DHCR7: variants seen among roughly 807,000 people sequenced by gnomAD.
The protein encoded by DHCR7 is 7-DHC reductase.
DHCR7 carries 40 observed loss-of-function variants against 43.3 expected under a neutral mutation model. The observed-to-expected ratio is 0.92, with a 90% CI of 0.72 to 1.20. The LOEUF (loss-of-function observed/expected upper bound fraction) is 1.20, where lower values mean the gene tolerates loss of function less well. DHCR7 is among the 50% of genes most tolerant of loss of function. The pLI is 0.00. For synonymous variants in DHCR7, 298 were observed against 271.4 expected (o/e 1.10, Z -0.96); for missense variants, 608 against 644.6 (o/e 0.94, Z 0.62).
At chr11:71,434,022 G>A (rs909617468), downstream of DHCR7, among the ~76,000 whole-genome samples, 1 of 152,246 alleles carries the variant, frequency 6.6e-6, no homozygotes, top group Admixed American at 6.5e-5. Flanking sequence ...GCCACTCTGA[G>A]CTTGGCCCCC....
In DHCR7 at chr11:71,444,836, G is replaced by A. The variant is rs760654801; in HGVS notation, c.98+19C>T. ...ACCACACTTTACTTTCTAGCTGGGAGAACAGGCAAGATCCTTACCAGGCAC... is the reference window on the plus strand; with the variant it reads ...ACCACACTTTACTTTCTAGCTGGGAAAACAGGCAAGATCCTTACCAGGCAC... On this transcript the variant is annotated intron_variant, in intron 3 of 8. Transcript: ENST00000355527. The A allele has an allele frequency of 3.1e-5, 50 of 1,607,410 alleles. No homozygotes were observed. The highest frequency in any genetic ancestry group is 3.8e-5 in the Non-Finnish European group (45 of 1,173,972).
At chr11:71,435,904 C>G (rs375658179) in intron 8 of DHCR7, 65 bp from the exon 9 acceptor site, 70 of 1,422,670 alleles carry the variant, frequency 4.9e-5, no homozygotes, top group Non-Finnish European at 6.5e-5. Context: ...AGTGTGGGCT[C>G]GGGGGCCCAG....
intron 4 of DHCR7, among the ~76,000 whole-genome samples, chr11:71,442,635 T>C (rs908855814): frequency 2.6e-5 from 4 of 152,108 alleles, no homozygotes; most frequent in Non-Finnish European, 4.4e-5. Context: ...GAGAATCCCA[T>C]AAAATTCAAC....
At chr11:71,433,972 C>T (rs992674488), downstream of DHCR7, among the ~76,000 whole-genome samples, 11 of 152,200 alleles carry the variant, frequency 7.2e-5, no homozygotes, top group South Asian at 6.2e-4. Flanking sequence ...GTCTGGGAGG[C>T]GGCCTGGCTG....
intron 5 of DHCR7, among the ~76,000 whole-genome samples, chr11:71,441,996 A>G (rs1949353126): frequency 6.6e-6 from 1 of 152,172 alleles, no homozygotes; most frequent in South Asian, 2.1e-4. Flanking sequence ...AGGAAGCTTC[A>G]TGGGCCGAGT....
intron 3 of DHCR7, 123 bp downstream of exon 3, chr11:71,444,732 C>CA (rs112621523): frequency 0.067 from 41,094 of 611,670 alleles, 4 homozygotes; most frequent in South Asian, 0.074. Flanking sequence ...TTAGTCTTGA[C>CA]AAAAAAAAAA....
intron 2 of DHCR7, among the ~76,000 whole-genome samples, chr11:71,446,584 G>A (rs189508087): frequency 1.3e-5 from 2 of 152,232 alleles, no homozygotes. Flanking sequence ...ATGTGGTAGA[G>A]AGTATTTCTT....
At chr11:71,439,874 C>T (rs1949330135) in intron 6 of DHCR7, among the ~76,000 whole-genome samples, 1 of 152,206 alleles carries the variant, frequency 6.6e-6, no homozygotes, top group Admixed American at 6.5e-5. Flanking sequence ...TGATAACACA[C>T]AAGCTACAAA....
At chr11:71,436,659 T>C (rs1443231830) in intron 8 of DHCR7, among the ~76,000 whole-genome samples, 3 of 43,498 alleles carry the variant, frequency 6.9e-5, no homozygotes, top group African/African-American at 2.0e-4. Flanking sequence ...CGAGACTCCG[T>C]CTCAAAAAAA....
Position 71,441,315 on chromosome 11 carries a change from G to A in DHCR7, c.538C>T (p.Leu180=). The A allele has an allele frequency of 1.2e-6, 2 of 1,614,256 alleles. No homozygotes were observed. Among genetic ancestry groups the A allele is most frequent in the Non-Finnish European group, 1.7e-6 (2 of 1,180,038 alleles). Residue 180 remains leucine, a synonymous_variant, in exon 6 of 9, where the codon CTG becomes TTG. Coordinates refer to ENST00000355527, the MANE Select transcript of DHCR7 (RefSeq NM_001360.3). ...CCAAGGATGTTGGCGCACCACAGCA[G>A]TGGGATCCAGTTGTCGAAGATGATG... ...PTIIFDNWIP[L]LWCANILGYA...
At position 71,441,235 on chromosome 11, in the gene DHCR7, G is replaced by T; in HGVS notation, c.618C>A (p.Ala206=). 1 of 1,614,190 alleles carries T rather than the reference G, an allele frequency of 6.2e-7. No individual in the cohort carries two copies. The highest frequency in any genetic ancestry group is 8.5e-7 in the Non-Finnish European group (1 of 1,180,008). ...MVKGYFFPTS[A]RDCKFTGNFF... ...CGCTGCTAAGAACATACCAGTCTCT[G>T]GCGCTGGTGGGGAAGAAGTAGCCCT... The change falls in exon 6 of 9, where the codon GCC becomes GCA. Residue 206 remains alanine, a synonymous_variant. Coordinates refer to ENST00000355527, the MANE Select transcript of DHCR7 (RefSeq NM_001360.3).
chr11:71,430,834 C>T (rs1033134293), downstream of DHCR7, among the ~76,000 whole-genome samples: 1 of 152,154 alleles, frequency 6.6e-6, no homozygotes, highest in Non-Finnish European at 1.5e-5. Flanking sequence ...GGAGTGCATG[C>T]TGATTGGCTT....
chr11:71,437,843 C>G lies in DHCR7; in HGVS notation c.932G>C (p.Cys311Ser). The stretch of plus-strand genomic sequence containing the variant: ...CGTGTAAAGATAAGGCAGCCAGACA[C>G]AGTCGCCCCAGCCCAGGTACCACCC... ...HFGWYLGWGD[C>S]VWLPYLYTLQ... is the part of the protein sequence containing the mutation. Residue 311 changes from cysteine to serine, a missense_variant, in exon 8 of 9, where the codon TGT (cysteine) becomes TCT (serine). Coordinates refer to ENST00000355527, the MANE Select transcript of DHCR7 (RefSeq NM_001360.3). The G allele has an allele frequency of 6.2e-7, 1 of 1,614,032 alleles. No individual in the cohort carries two copies. Among genetic ancestry groups the G allele is most frequent in the East Asian group, 2.2e-5 (1 of 44,880 alleles).
chr11:71,440,627 G>C (rs1004866904), intron 6 of DHCR7, among the ~76,000 whole-genome samples: 1 of 149,730 alleles, frequency 6.7e-6, no homozygotes, highest in African/African-American at 2.5e-5. Context: ...GTGGGTGATG[G>C]ATAGGTGGAT....
At chr11:71,446,929 G>A (rs898088124) in intron 2 of DHCR7, among the ~76,000 whole-genome samples, 4 of 152,220 alleles carry the variant, frequency 2.6e-5, no homozygotes, top group African/African-American at 9.6e-5. Flanking sequence ...TGACACGCTA[G>A]TGAGTCTGAT....
Position 71,444,866 on chromosome 11 carries a change from C to T in DHCR7, c.87G>A (p.Trp29Ter). 1 of 1,614,142 alleles carries T rather than the reference C, an allele frequency of 6.2e-7. No homozygotes were observed. Among genetic ancestry groups the T allele is most frequent in the Non-Finnish European group, 8.5e-7 (1 of 1,179,966 alleles). The change falls in exon 3 of 9, where the codon TGG becomes TGA. Residue 29 changes from tryptophan (W) to a stop codon, truncating the protein, a stop_gained. Coordinates refer to ENST00000355527, the MANE Select transcript of DHCR7 (RefSeq NM_001360.3). LOFTEE classifies it high-confidence loss of function. Reference protein sequence around the residue: ...TNDRTASQGQWGRAWEVDWFS... With the variant: ...TNDRTASQGQ ...GGCAAGATCCTTACCAGGCACGGCC[C>T]CACTGCCCTTGAGATGCGGTTCTGT...
rs1253900157 is a variant in DHCR7 at position 71,442,311 on chromosome 11, G to A, written c.364C>T (p.Leu122=). The change falls in exon 5 of 9, where the codon CTA becomes TTA. Residue 122 remains leucine, a synonymous_variant. Coordinates refer to ENST00000355527, the MANE Select transcript of DHCR7 (RefSeq NM_001360.3). ...TGGATGCCTCCTACGTAGCCGGGTA[G>A]AAACTTATGGCAGAAGTCAGGGAGA... ...TSLPDFCHKF[L]PGYVGGIQEG... 5 of 1,614,000 alleles carry A rather than the reference G, an allele frequency of 3.1e-6. No individual in the cohort carries two copies. The highest frequency in any genetic ancestry group is 4.2e-6 in the Non-Finnish European group (5 of 1,179,970).
chr11:71,434,260 C>T (rs975131219), downstream of DHCR7, among the ~76,000 whole-genome samples: 2 of 152,310 alleles, frequency 1.3e-5, no homozygotes, highest in African/African-American at 2.4e-5. Flanking sequence ...CACGCACCCA[C>T]GGGCACCCAA....
chr11:71,427,755 A>C (rs1949207151), downstream of DHCR7, among the ~76,000 whole-genome samples: 1 of 152,258 alleles, frequency 6.6e-6, no homozygotes, highest in African/African-American at 2.4e-5. Context: ...GGGGTCATGC[A>C]GGACATGCTT....
Sources: gnomAD v4.1 joint callset for allele counts (sites outside exome capture counted in the v4.1 genomes callset) on GRCh38, gnomAD v4.1.1 for gene constraint, MANE v1.5 for transcripts, NCBI Gene and HGNC (gene_info 2026-07-23, HGNC 2026-07-21) for gene names.